Variants in DDX46 observed in about 807,000 individuals in gnomAD.
The protein encoded by DDX46 is DEAD-box helicase 46.
Under a neutral mutation model 134.9 loss-of-function variants are expected in DDX46, and 30 were observed. That is an observed-to-expected ratio of 0.22 (90% CI 0.17 to 0.30). The LOEUF (loss-of-function observed/expected upper bound fraction) is 0.30, where lower values mean the gene tolerates loss of function less well. Ranked by LOEUF, DDX46 falls within the 10% of genes least tolerant of loss-of-function variation. The pLI is 1.00. For missense variants in DDX46, 622 were observed against 1,248.7 expected, an observed-to-expected ratio of 0.50 and a Z score of 7.56; for synonymous variants, 415 against 404.1, an observed-to-expected ratio of 1.03 and a Z score of -0.32.
At chr5:134,826,229 G>C (rs922815510) in intron 21 of DDX46, 6 of 152,052 alleles carry the variant, frequency 3.9e-5, no homozygotes, top group African/African-American at 1.5e-4. Flanking sequence ...CTTTTAAAGA[G>C]CATGAATTTG....
chr5:134,763,796 C>T, intron 1 of DDX46, 108 bp from the exon 2 acceptor site: 1 of 1,281,040 alleles, frequency 7.8e-7, no homozygotes, highest in Non-Finnish European at 1.1e-6. Context: ...ATAAAAAGTT[C>T]TTTGAGTGTT....
intron 3 of DDX46, among the ~76,000 whole-genome samples, chr5:134,769,512 A>T (rs1262440025): frequency 3.6e-5 from 5 of 138,198 alleles, no homozygotes; most frequent in African/African-American, 1.3e-4. Flanking sequence ...TGTATTTTTT[A>T]GTAGAGACGG....
chr5:134,800,902 C>G (rs1754808358), intron 15 of DDX46, among the ~76,000 whole-genome samples: 2 of 152,174 alleles, frequency 1.3e-5, no homozygotes, highest in African/African-American at 4.8e-5. Flanking sequence ...TCTTGCACTC[C>G]TGACCTCAGG....
chr5:134,769,831 G>A (rs1753704042), intron 3 of DDX46, among the ~76,000 whole-genome samples: 2 of 152,232 alleles, frequency 1.3e-5, no homozygotes, highest in East Asian at 1.9e-4. Context: ...ACAGGCGTGA[G>A]CCACCGCGCC....
intron 3 of DDX46, among the ~76,000 whole-genome samples, chr5:134,769,610 G>A (rs1415569379): frequency 2.0e-4 from 30 of 148,210 alleles, no homozygotes; most frequent in Admixed American, 1.4e-4. Context: ...GTGCAATCTC[G>A]GCTCACTGCA....
At chr5:134,814,257 ATC>A (rs371371965) in intron 18 of DDX46, among the ~76,000 whole-genome samples, 5 of 152,270 alleles carry the variant, frequency 3.3e-5, no homozygotes, top group Non-Finnish European at 7.4e-5. Flanking sequence ...GTGCGGTACT[ATC>A]TCTGTTTTTA....
chr5:134,792,323 G>T (rs1754528647), intron 13 of DDX46, among the ~76,000 whole-genome samples: 1 of 152,142 alleles, frequency 6.6e-6, no homozygotes, highest in South Asian at 2.1e-4. Flanking sequence ...ATGGGATCCA[G>T]TGGGGAAGTC....
intron 21 of DDX46, among the ~76,000 whole-genome samples, chr5:134,820,959 G>A (rs1755429328): frequency 2.7e-5 from 4 of 147,868 alleles, no homozygotes; most frequent in South Asian, 4.2e-4. Context: ...CCCACCTCCT[G>A]GGTTCAAGTA....
chr5:134,818,815 GT>G (rs1580819268), intron 20 of DDX46, 44 bp from the exon 21 acceptor site: 1 of 1,560,438 alleles, frequency 6.4e-7, no homozygotes. Context: ...GGATTTTTTT[GT>G]CCTGTTATGA....
intron 13 of DDX46, among the ~76,000 whole-genome samples, chr5:134,792,797 G>A (rs1754542077): frequency 6.6e-6 from 1 of 152,172 alleles, no homozygotes; most frequent in South Asian, 2.1e-4. Flanking sequence ...ACATGTATGT[G>A]CGTATGTACA....
chr5:134,812,766 T>C (rs1755182090), intron 18 of DDX46, among the ~76,000 whole-genome samples: 1 of 152,070 alleles, frequency 6.6e-6, no homozygotes. Context: ...GCCTCCCTAG[T>C]AGCTGGGATT....
intron 8 of DDX46, among the ~76,000 whole-genome samples, chr5:134,782,413 G>A (rs1396613576): frequency 2.0e-5 from 3 of 151,992 alleles, no homozygotes; most frequent in Non-Finnish European, 4.4e-5. Context: ...AGGCCAAGGC[G>A]GGCAGATCAC....
chr5:134,794,542 A>T (rs544292951), intron 13 of DDX46, among the ~76,000 whole-genome samples: 1 of 152,296 alleles, frequency 6.6e-6, no homozygotes, highest in Admixed American at 6.5e-5. Flanking sequence ...TGGGTCTTTA[A>T]TAAAAATGTG....
intron 6 of DDX46, chr5:134,778,010 C>T (rs1294772098): frequency 1.9e-5 from 4 of 206,186 alleles, no homozygotes; most frequent in Non-Finnish European, 3.7e-5. Context: ...GCACTCCTGT[C>T]TTTGATACTC....
chr5:134,811,489 GA>G, intron 17 of DDX46, 131 bp downstream of exon 17: 2 of 1,289,988 alleles, frequency 1.6e-6, no homozygotes, highest in Non-Finnish European at 2.1e-6. Context: ...TCTCTAGAGG[GA>G]AAAATGAGTG....
At chr5:134,812,059 C>CTTTTTT (rs767502728) in intron 18 of DDX46, among the ~76,000 whole-genome samples, 8 of 99,040 alleles carry the variant, frequency 8.1e-5, no homozygotes, top group African/African-American at 1.1e-4. Flanking sequence ...GTGAAAAGTC[C>CTTTTTT]TTTTTTTTTT....
chr5:134,779,122 C>T (rs1052004979), intron 6 of DDX46, among the ~76,000 whole-genome samples: 2 of 152,164 alleles, frequency 1.3e-5, no homozygotes, highest in African/African-American at 2.4e-5. Flanking sequence ...GTCTCGAACT[C>T]CTGACCTCAG....
At chr5:134,765,680 G>A (rs1753546182) in intron 2 of DDX46, among the ~76,000 whole-genome samples, 1 of 152,176 alleles carries the variant, frequency 6.6e-6, no homozygotes, top group Admixed American at 6.6e-5. Flanking sequence ...CTACAGGTAT[G>A]AGATACCATA....
chr5:134,787,194 C>G (rs185468121), intron 11 of DDX46, among the ~76,000 whole-genome samples: 2 of 152,152 alleles, frequency 1.3e-5, no homozygotes, highest in East Asian at 3.9e-4. Context: ...TTTGTAACAC[C>G]TCCGAAAGGT....
Sources: allele counts gnomAD v4.1 joint callset (sites outside exome capture counted in the v4.1 genomes callset), GRCh38; gene constraint gnomAD v4.1.1; transcripts MANE v1.5; gene names NCBI Gene and HGNC (gene_info 2026-07-23, HGNC 2026-07-21).